AKAP8L: variants seen among roughly 807,000 people sequenced by gnomAD.
The protein encoded by AKAP8L is A-kinase anchor protein 8-like.
In AKAP8L, 34 loss-of-function variants were observed where a neutral mutation model predicts 77.5. The ratio of observed to expected loss-of-function variants is 0.44; its 90% CI spans 0.33 to 0.58. The LOEUF is 0.58. Among genes scored for constraint, AKAP8L ranks in the 20% least tolerant of loss-of-function variants. The probability of loss-of-function intolerance (pLI) is 0.02; values close to 1 mark genes in which losing one functional copy is unlikely to be tolerated. For missense variants in AKAP8L, 806 were observed against 887.6 expected, an observed-to-expected ratio of 0.91 and a Z score of 1.17; for synonymous variants, 342 against 340.7, an observed-to-expected ratio of 1.00 and a Z score of -0.04.
At chr19:15,410,762 A>G (rs1968091931) in intron 1 of AKAP8L, among the ~76,000 whole-genome samples, 168 bp from the exon 2 acceptor site, 1 of 152,192 alleles carries the variant, frequency 6.6e-6, no homozygotes. Context: ...ATATTACCCA[A>G]TGGAAAGGCA....
rs1190606160 is a variant in AKAP8L at position 15,404,168 on chromosome 19, C to G, written c.89-126G>C. The G allele has an allele frequency of 3.8e-5, 36 of 959,788 alleles. 1 individual carries two copies. Among genetic ancestry groups the G allele is most frequent in the Non-Finnish European group, 5.4e-5 (34 of 629,568 alleles). 59.5% of individuals were successfully genotyped at this position (959,788 alleles called of 1,614,324 possible). A position where few individuals can be genotyped will look rare whatever the true frequency, so the allele number is the denominator to read the frequency against. ...GGCTGCACCTCCCCTAACCGAGAAG[C>G]CTTGAGCTCGCGAGCACTGCGCAAA... On this transcript the variant is annotated intron_variant, in intron 2 of 13. Coordinates refer to ENST00000397410, the MANE Select transcript of AKAP8L (RefSeq NM_014371.4).
intron 12 of AKAP8L, among the ~76,000 whole-genome samples, chr19:15,391,311 A>G (rs1191223133): frequency 6.6e-6 from 1 of 151,216 alleles, no homozygotes; most frequent in Non-Finnish European, 1.5e-5. Flanking sequence ...ACAAAAAATT[A>G]GCTGCGCGTG....
chr19:15,380,993 C>T, intron 12 of AKAP8L: 1 of 195,592 alleles, frequency 5.1e-6, no homozygotes, highest in Non-Finnish European at 1.0e-5. Flanking sequence ...CACTTTGGGG[C>T]CAACGGGGAA....
intron 2 of AKAP8L, among the ~76,000 whole-genome samples, chr19:15,404,473 G>C (rs114559526): frequency 1.3e-5 from 2 of 152,230 alleles, no homozygotes; most frequent in African/African-American, 2.4e-5. Context: ...ACATCAGTGA[G>C]AGAAGCCCAA....
rs573176921 is a variant in AKAP8L at position 15,395,561 on chromosome 19, C to T, written c.1536+1589G>A. On this transcript the variant is annotated intron_variant, in intron 12 of 13. Coordinates refer to ENST00000397410, the MANE Select transcript of AKAP8L (RefSeq NM_014371.4). ...ATCTCTTGACCTCGTCATCTGCCCA[C>T]CTTAGCCTCCCAAAGTGCTGGGATT... Among the ~76,000 whole-genome samples the T allele has an allele frequency of 1.8e-4, 28 of 151,780 alleles. No homozygotes were observed. The South Asian group carries it at 3.5e-3, about 19-fold the overall frequency.
intron 4 of AKAP8L, among the ~76,000 whole-genome samples, chr19:15,402,542 G>C (rs1967920637): frequency 6.6e-6 from 1 of 152,238 alleles, no homozygotes; most frequent in African/African-American, 2.4e-5. Flanking sequence ...CACATGCCAA[G>C]CCCTCAGCTC....
Position 15,401,635 on chromosome 19 carries a change from G to T in AKAP8L, c.363-32C>A. ...AGGCATGGGGTGAGCATCAGGTGGA[G>T]CCCCTCAGGATCCCTCACCTCCAGG... On this transcript the variant is annotated intron_variant, in intron 4 of 13. Coordinates refer to ENST00000397410, the MANE Select transcript of AKAP8L (RefSeq NM_014371.4). The surrounding 1 kb of genome is among the most constrained non-coding windows in gnomAD (Gnocchi z 6.2). 1 of 1,504,336 alleles carries T rather than the reference G, an allele frequency of 6.6e-7. No individual in the cohort carries two copies. Among genetic ancestry groups the T allele is most frequent in the Non-Finnish European group, 8.9e-7 (1 of 1,119,014 alleles). The allele number at this position is 1,504,336 out of a possible 1,614,324, so 93.2% of individuals were successfully genotyped here.
In AKAP8L at chr19:15,380,406, G is replaced by T; in HGVS notation, c.1657C>A (p.Pro553Thr). ...LKGENPFTDS[P>T]EEEKEQEEAE... ...TCCTCCTGCTCCTTCTCCTCCTCGG[G>T]GCTGTCGGTGAAAGGGTTCTCGCCC... Residue 553 changes from proline (P) to threonine (T), a missense_variant, in exon 14 of 14, where the codon CCC becomes ACC. Physicochemically the swap from Pro to Thr is conservative, Grantham distance 38. Transcript: ENST00000397410. The T allele has an allele frequency of 1.3e-6, 2 of 1,596,696 alleles. No individual in the cohort carries two copies. The highest frequency in any genetic ancestry group is 8.5e-7 in the Non-Finnish European group (1 of 1,172,942).
Position 15,391,326 on chromosome 19 carries a change from C to A in AKAP8L, c.1536+5824G>T, listed in dbSNP as rs539642775. The stretch of plus-strand genomic sequence containing the variant: ...ACAAAAAATTAGCTGCGCGTGGTGG[C>A]GGGCACCTGTAGTCCCAGCTACTTG... On this transcript the variant is annotated intron_variant, in intron 12 of 13. Coordinates refer to ENST00000397410, the MANE Select transcript of AKAP8L (RefSeq NM_014371.4). Among the ~76,000 whole-genome samples, 6 of 150,410 alleles carry A rather than the reference C, an allele frequency of 4.0e-5. No individual in the cohort carries two copies. In the South Asian group the frequency reaches 8.4e-4, roughly 21 times the overall value.
Position 15,397,514 on chromosome 19 carries a change from C to T in AKAP8L, c.1405+6G>A, listed in dbSNP as rs1967801023. ...CCTGGTGGGAGTGGGCTGAAAATCTCCTCACCCTGGGTCAGATCCTGGTCT... is the reference window on the plus strand; with the variant it reads ...CCTGGTGGGAGTGGGCTGAAAATCTTCTCACCCTGGGTCAGATCCTGGTCT... On this transcript the variant is annotated splice_donor_region_variant and intron_variant, in intron 11 of 13. Transcript: ENST00000397410. This position sits in a 1 kb window ranked among gnomAD's most constrained non-coding sequence, Gnocchi z 4.7. 6.2e-7 allele frequency: 1 copy of T among 1,611,200 alleles called. No individual in the cohort carries two copies. The highest frequency in any genetic ancestry group is 8.5e-7 in the Non-Finnish European group (1 of 1,178,388).
intron 4 of AKAP8L, among the ~76,000 whole-genome samples, chr19:15,402,890 G>A (rs575412408): frequency 2.0e-5 from 3 of 152,308 alleles, no homozygotes; most frequent in Admixed American, 6.5e-5. Flanking sequence ...TACTTGCTGC[G>A]TGCCTTCAGG....
chr19:15,409,455 ACTAGCTG>A (rs1225919779), intron 2 of AKAP8L, among the ~76,000 whole-genome samples: 1 of 152,156 alleles, frequency 6.6e-6, no homozygotes, highest in African/African-American at 2.4e-5. Flanking sequence ...TTTTCCTGGG[ACTAGCTG>A]CTGTTACTTG....
chr19:15,412,436 ACTT>A (rs1392976347), intron 1 of AKAP8L, among the ~76,000 whole-genome samples: 1 of 152,210 alleles, frequency 6.6e-6, no homozygotes, highest in East Asian at 1.9e-4. Flanking sequence ...AGTAAGGAAA[ACTT>A]CTACCTCTAT....
chr19:15,389,048 A>AC (rs1166261366), intron 12 of AKAP8L, among the ~76,000 whole-genome samples: 4 of 140,672 alleles, frequency 2.8e-5, no homozygotes, highest in Non-Finnish European at 6.1e-5. Context: ...CCCCATCTCT[A>AC]CTAAAAAAAA....
rs545725965 is a variant in AKAP8L at position 15,398,652 on chromosome 19, G to A, written c.1157+650C>T. 7 of 986,966 alleles carry A rather than the reference G, an allele frequency of 7.1e-6. No individual in the cohort carries two copies. Among genetic ancestry groups the A allele is most frequent in the Non-Finnish European group, 8.4e-6 (7 of 830,862 alleles). The allele number at this position is 986,966 out of a possible 1,614,324, so 61.1% of individuals were successfully genotyped here. On this transcript the variant is annotated intron_variant, in intron 9 of 13. Transcript: ENST00000397410. The surrounding 1 kb of genome is among the most constrained non-coding windows in gnomAD (Gnocchi z 9.2). ...TACCTCTGCCGGACGTCCTTATCTG[G>A]GCCACGGGGTCAGCTTTGTCTGGAG...
Position 15,389,030 on chromosome 19 carries a change from C to T in AKAP8L, c.1536+8120G>A, listed in dbSNP as rs533626207. Among the ~76,000 whole-genome samples the T allele has an allele frequency of 4.3e-4, 62 of 143,578 alleles. 3 individuals carry two copies. The South Asian group carries it at 0.012, about 28-fold the overall frequency. The allele number at this position is 143,578 out of a possible 152,430, so 94.2% of individuals were successfully genotyped here. A position where few individuals can be genotyped will look rare whatever the true frequency, so the allele number is the denominator to read the frequency against. On this transcript the variant is annotated intron_variant, in intron 12 of 13. Coordinates refer to ENST00000397410, the MANE Select transcript of AKAP8L (RefSeq NM_014371.4). ...GAGATGGAGACCATCTTGGCTAACA[C>T]GGTGAAACCCCATCTCTACTAAAAA... is the stretch of plus-strand genomic sequence containing the variant.
chr19:15,387,006 T>C (rs1230377750), intron 12 of AKAP8L, among the ~76,000 whole-genome samples: 2 of 152,190 alleles, frequency 1.3e-5, no homozygotes, highest in Non-Finnish European at 2.9e-5. Flanking sequence ...CTGATGAGGC[T>C]AAGTTCTAGA....
intron 12 of AKAP8L, chr19:15,383,053 C>T (rs1466074616): frequency 2.6e-5 from 4 of 152,132 alleles, no homozygotes; most frequent in Non-Finnish European, 4.4e-5. Context: ...CTCTAGAAAA[C>T]AAGTCTTCCC....
intron 2 of AKAP8L, among the ~76,000 whole-genome samples, chr19:15,408,584 GA>G (rs1968047922): frequency 7.4e-6 from 1 of 134,544 alleles, no homozygotes; most frequent in Non-Finnish European, 1.6e-5. Context: ...AAAAAAGAAA[GA>G]AAGAAAGAAA....
Sources: allele counts gnomAD v4.1 joint callset (sites outside exome capture counted in the v4.1 genomes callset), GRCh38; gene constraint gnomAD v4.1.1; non-coding constraint Gnocchi (gnomAD v3.1); transcripts MANE v1.5; gene names NCBI Gene and HGNC (gene_info 2026-07-23, HGNC 2026-07-21).